The following API5 variants were observed in gnomAD, a reference collection of about 807,000 sequenced individuals.
API5 encodes FIF.
API5 carries 6 observed loss-of-function variants against 71.9 expected under a neutral mutation model. That is an observed-to-expected ratio of 0.08 (90% confidence interval 0.05 to 0.16). The LOEUF is 0.16. Ranked by LOEUF, API5 falls within the 10% of genes least tolerant of loss-of-function variation. The pLI is 1.00. For synonymous variants in API5, 189 were observed against 221.3 expected, an observed-to-expected ratio of 0.85 and a Z score of 1.30; for missense variants, 332 against 612.8, an observed-to-expected ratio of 0.54 and a Z score of 4.84.
chr11:43,328,277 C>T (rs1855140582), intron 8 of API5, among the ~76,000 whole-genome samples: 1 of 152,158 alleles, frequency 6.6e-6, no homozygotes, highest in South Asian at 2.1e-4. Flanking sequence ...TGTAATGAGT[C>T]AGTACTTAAA....
chr11:43,341,274 CATTGGCACCCCCATGTTT>C (rs1439580389), intron 13 of API5, among the ~76,000 whole-genome samples: 2 of 152,268 alleles, frequency 1.3e-5, no homozygotes, highest in Admixed American at 1.3e-4. Context: ...AAAAGTCAGA[CATTGGCACCCCCATGTTT>C]ATTGTAGCAC....
intron 2 of API5, among the ~76,000 whole-genome samples, chr11:43,319,433 T>A (rs1280973659): frequency 6.6e-6 from 1 of 152,140 alleles, no homozygotes; most frequent in Non-Finnish European, 1.5e-5. Context: ...CCTATACTTT[T>A]TTTGCTTTTT....
At chr11:43,336,139 G>T in intron 13 of API5, 145 bp downstream of exon 13, 1 of 1,086,508 alleles carries the variant, frequency 9.2e-7, no homozygotes, top group Admixed American at 2.8e-5. Context: ...GGCTGTTGAG[G>T]AAATGATTTA....
intron 10 of API5, 183 bp from the exon 11 acceptor site, chr11:43,330,325 T>A: frequency 1.6e-6 from 1 of 642,916 alleles, no homozygotes; most frequent in Non-Finnish European, 2.7e-6. Flanking sequence ...CTTTGCTACA[T>A]CTAGATTTGT....
rs1854907138 is a variant in API5 at position 43,321,966 on chromosome 11, C to T, written c.392-19C>T. 1 of 1,597,236 alleles carries T rather than the reference C, an allele frequency of 6.3e-7. No individual in the cohort carries two copies. Among genetic ancestry groups the T allele is most frequent in the South Asian group, 1.1e-5 (1 of 88,068 alleles). ...CACTATAGAATTGACTTGCTACAGG[C>T]AACTATTTTGTTTTGCAGGGACTTT... is the stretch of plus-strand genomic sequence containing the variant. On this transcript the variant is annotated intron_variant, in intron 4 of 13. Transcript: ENST00000531273.
chr11:43,326,446 G>C, intron 6 of API5, 61 bp from the exon 7 acceptor site: 2 of 1,050,584 alleles, frequency 1.9e-6, no homozygotes, highest in East Asian at 2.4e-5. Context: ...ATGAAATTCT[G>C]CTATAATATT....
At chr11:43,327,738 C>CAT in intron 7 of API5, 51 bp from the exon 8 acceptor site, 1 of 1,313,058 alleles carries the variant, frequency 7.6e-7, no homozygotes, top group Non-Finnish European at 1.1e-6. Flanking sequence ...ACTCTCATTT[C>CAT]ATAACCCTTG....
intron 13 of API5, chr11:43,339,426 G>A (rs997096172): frequency 2.6e-5 from 4 of 152,206 alleles, no homozygotes; most frequent in African/African-American, 7.2e-5. Context: ...AGAAGTTAAT[G>A]AAGAGATTTG....
chr11:43,320,982 T>C, intron 3 of API5, 68 bp downstream of exon 3: 2 of 1,393,778 alleles, frequency 1.4e-6, no homozygotes, highest in Non-Finnish European at 2.0e-6. Flanking sequence ...GACTCTGTTT[T>C]TAGGTTTTAA....
At position 43,328,879 on chromosome 11, in the gene API5, A is replaced by G. The variant is rs768671609; in HGVS notation, c.1113A>G (p.Lys371=). 1 of 1,614,096 alleles carries G rather than the reference A, an allele frequency of 6.2e-7. No individual in the cohort carries two copies. The highest frequency in any genetic ancestry group is 1.1e-5 in the South Asian group (1 of 91,088). The change falls in exon 9 of 14, where the codon AAA becomes AAG. Residue 371 remains lysine, a synonymous_variant. Transcript: ENST00000531273. ...CCAAACTGAATGCAGAAAAGCTCAA[A>G]GATTTCAAAATCAGGTGATATATGA... is the stretch of plus-strand genomic sequence containing the variant. ...LTAKLNAEKL[K]DFKIRLQYFA...
At chr11:43,314,537 C>T (rs1402845571) in intron 1 of API5, among the ~76,000 whole-genome samples, 1 of 152,216 alleles carries the variant, frequency 6.6e-6, no homozygotes, top group Admixed American at 6.5e-5. Flanking sequence ...CCTTTGTCTA[C>T]ACTTTAATGA....
intron 6 of API5, among the ~76,000 whole-genome samples, chr11:43,323,938 G>C (rs984850518): frequency 6.6e-6 from 1 of 152,180 alleles, no homozygotes; most frequent in African/African-American, 2.4e-5. Context: ...TTTCAGATGA[G>C]GGATGCTTGG....
intron 1 of API5, 28 bp downstream of exon 1, chr11:43,312,224 G>C (rs1005631610): frequency 3.1e-6 from 5 of 1,610,172 alleles, no homozygotes; most frequent in South Asian, 1.1e-5. Flanking sequence ...GCGGCCTGCA[G>C]GGCCTGGCGC....
intron 9 of API5, 165 bp downstream of exon 9, chr11:43,329,058 T>C (rs1321695526): frequency 2.8e-6 from 2 of 702,282 alleles, no homozygotes; most frequent in East Asian, 2.8e-5. Context: ...ATGACAGAAA[T>C]GAGCCAGGCA....
chr11:43,337,244 T>C (rs1387768054), intron 13 of API5, among the ~76,000 whole-genome samples: 1 of 152,010 alleles, frequency 6.6e-6, no homozygotes. Flanking sequence ...GGAGGATTGC[T>C]GAAGCCCAGG....
intron 9 of API5, 86 bp downstream of exon 9, chr11:43,328,979 G>A: frequency 7.3e-7 from 1 of 1,376,816 alleles, no homozygotes; most frequent in Non-Finnish European, 1.0e-6. Flanking sequence ...TTCTATGAGA[G>A]CTCCCCATCC....
intron 5 of API5, among the ~76,000 whole-genome samples, chr11:43,322,874 T>G (rs960711003): frequency 9.9e-5 from 15 of 152,128 alleles, no homozygotes; most frequent in African/African-American, 3.6e-4. Context: ...TCTGGTAGAG[T>G]ATGTCGTGAT....
At chr11:43,313,735 G>T (rs1251844799) in intron 1 of API5, among the ~76,000 whole-genome samples, 1 of 152,072 alleles carries the variant, frequency 6.6e-6, no homozygotes, top group Non-Finnish European at 1.5e-5. Flanking sequence ...CGGATGTTCT[G>T]CTGTACATGT....
At position 43,321,970 on chromosome 11, in the gene API5, T is replaced by G. The variant is rs1363812234; in HGVS notation, c.392-15T>G. 1.9e-6 allele frequency: 3 copies of G among 1,601,650 alleles called. No homozygotes were observed. The highest frequency in any genetic ancestry group is 2.7e-5 in the African/African-American group (2 of 74,302). ...ATAGAATTGACTTGCTACAGGCAAC[T>G]ATTTTGTTTTGCAGGGACTTTAGGT... On this transcript the variant is annotated splice_polypyrimidine_tract_variant and intron_variant, in intron 4 of 13. Coordinates refer to ENST00000531273, the MANE Select transcript of API5 (RefSeq NM_001142930.2).
Sources: gnomAD v4.1 joint callset for allele counts (sites outside exome capture counted in the v4.1 genomes callset) on GRCh38, gnomAD v4.1.1 for gene constraint, MANE v1.5 for transcripts, NCBI Gene and HGNC (gene_info 2026-07-23, HGNC 2026-07-21) for gene names.